The following PRELID2 variants were observed in gnomAD, a reference collection of about 807,000 sequenced individuals.
PRELID2 encodes the protein PRELI domain-containing protein 2.
In PRELID2, 25 loss-of-function variants were observed where a neutral mutation model predicts 28.4. The observed-to-expected ratio is 0.88, with a 90% CI of 0.64 to 1.23. The LOEUF (loss-of-function observed/expected upper bound fraction) is 1.23. PRELID2 is among the 50% of genes most tolerant of loss of function. The pLI is 0.00. For missense variants in PRELID2, 201 were observed against 214.4 expected, an observed-to-expected ratio of 0.94 and a Z score of 0.39; for synonymous variants, 76 against 71.6, an observed-to-expected ratio of 1.06 and a Z score of -0.31.
intron 1 of PRELID2, among the ~76,000 whole-genome samples, chr5:145,575,800 A>G (rs1416470128): frequency 1.3e-5 from 2 of 152,140 alleles, no homozygotes; most frequent in Non-Finnish European, 2.9e-5. Context: ...TGCGTCTGGA[A>G]CAGAGACTGC....
chr5:145,397,066 C>T, the PRELID2 span, among the ~76,000 whole-genome samples: 9 of 152,052 alleles, frequency 5.9e-5, no homozygotes, highest in African/African-American at 2.2e-4. Flanking sequence ...TTCTTAATAC[C>T]TACCACTAAG....
chr5:145,238,802 C>A, the PRELID2 span, among the ~76,000 whole-genome samples: 1 of 152,040 alleles, frequency 6.6e-6, no homozygotes, highest in Non-Finnish European at 1.5e-5. Context: ...TAGGACACTT[C>A]ATATGCAAAT....
chr5:145,473,426 C>T (rs1752071123), intron 1 of PRELID2: 1 of 152,146 alleles, frequency 6.6e-6, no homozygotes, highest in Admixed American at 6.6e-5. Flanking sequence ...TAGTTATCAT[C>T]ATCATCATCT....
the PRELID2 span, among the ~76,000 whole-genome samples, chr5:145,267,148 C>T: frequency 8.5e-5 from 13 of 152,192 alleles, no homozygotes; most frequent in East Asian, 7.8e-4. Flanking sequence ...GTCTGATGTT[C>T]GAGGACAGGA....
At chr5:145,491,542 T>G (rs1366784741) in intron 1 of PRELID2, among the ~76,000 whole-genome samples, 1 of 152,186 alleles carries the variant, frequency 6.6e-6, no homozygotes, top group Non-Finnish European at 1.5e-5. Context: ...AGTTATCATT[T>G]TTGTGGTAAC....
At chr5:145,512,161 C>T (rs1016710264) in intron 1 of PRELID2, among the ~76,000 whole-genome samples, 1 of 152,054 alleles carries the variant, frequency 6.6e-6, no homozygotes, top group African/African-American at 2.4e-5. Flanking sequence ...TGGTGGCTGG[C>T]AAGATGGCCG....
chr5:145,301,462 A>G, the PRELID2 span, among the ~76,000 whole-genome samples: 1 of 152,072 alleles, frequency 6.6e-6, no homozygotes, highest in African/African-American at 2.4e-5. Context: ...TGACTTGCCT[A>G]TTCATTTTCT....
chr5:145,436,687 A>C, the PRELID2 span, among the ~76,000 whole-genome samples: 170 of 152,028 alleles, frequency 1.1e-3, no homozygotes, highest in African/African-American at 3.9e-3. Flanking sequence ...GCATTTTTTC[A>C]TATGTTTGCT....
chr5:145,728,479 G>T lies in PRELID2; in HGVS notation n.70+36452C>A, dbSNP rs1426896311. On this transcript the variant is annotated intron_variant and non_coding_transcript_variant, in intron 1 of 2. Coordinates refer to the PRELID2 transcript ENST00000510259. ...AACCAGATTGAAGGGAACAGGAAGT[G>T]TTCTCCCCTCCCAAAGCAGGAAAAC... 8 of 666,610 alleles carry T rather than the reference G, an allele frequency of 1.2e-5. No individual in the cohort carries two copies. In the African/African-American group the frequency reaches 1.4e-4, roughly 12 times the overall value. The allele number at this position is 666,610 out of a possible 1,614,324, so 41.3% of individuals were successfully genotyped here.
At chr5:145,826,143 A>T (rs890472209) in intron 1 of PRELID2, 7 of 985,338 alleles carry the variant, frequency 7.1e-6, no homozygotes, top group African/African-American at 1.7e-5. Flanking sequence ...GCAGGGTGCT[A>T]TCCTAGAGAA....
At chr5:145,571,008 T>C (rs1384493651) in intron 1 of PRELID2, among the ~76,000 whole-genome samples, 2 of 152,252 alleles carry the variant, frequency 1.3e-5, no homozygotes, top group Non-Finnish European at 2.9e-5. Flanking sequence ...AATAAATGTC[T>C]GCTGAATGAA....
intron 2 of PRELID2, among the ~76,000 whole-genome samples, chr5:145,821,152 G>GTGTGTGTGTGTGT (rs1754761991): frequency 9.1e-5 from 8 of 88,192 alleles, no homozygotes; most frequent in African/African-American, 3.2e-4. Context: ...AACTCTCCTG[G>GTGTGTGTGTGTGT]GTGTGTGTGT....
intron 1 of PRELID2, among the ~76,000 whole-genome samples, chr5:145,586,879 A>G (rs1753160677): frequency 6.6e-6 from 1 of 152,198 alleles, no homozygotes; most frequent in Non-Finnish European, 1.5e-5. Context: ...TAGACCCATT[A>G]TCCAGTGTTT....
chr5:145,561,905 G>A (rs1057381297), intron 1 of PRELID2, among the ~76,000 whole-genome samples: 13 of 152,204 alleles, frequency 8.5e-5, no homozygotes, highest in African/African-American at 3.1e-4. Flanking sequence ...CTTCAGAGAC[G>A]AAAGTCATGC....
At chr5:145,381,472 T>C in the PRELID2 span, 1 of 152,146 alleles carries the variant, frequency 6.6e-6, no homozygotes, top group African/African-American at 2.4e-5. Flanking sequence ...AAACAAACTT[T>C]AATTCTCAGC....
At chr5:145,549,344 A>G (rs901633545) in intron 1 of PRELID2, among the ~76,000 whole-genome samples, 2 of 152,224 alleles carry the variant, frequency 1.3e-5, no homozygotes, top group Admixed American at 6.5e-5. Context: ...GAATGAACTT[A>G]AATAATTTTT....
At chr5:145,462,759 C>G in the PRELID2 span, among the ~76,000 whole-genome samples, 3 of 152,180 alleles carry the variant, frequency 2.0e-5, no homozygotes, top group East Asian at 5.8e-4. Context: ...CACTGTCTAC[C>G]GAAGGCGACA....
the PRELID2 span, among the ~76,000 whole-genome samples, chr5:145,353,307 C>A: frequency 0.65 from 98,031 of 151,510 alleles, 31,940 homozygotes; most frequent in East Asian, 0.89. Context: ...CACACACACA[C>A]AAAAAATCAG....
chr5:145,330,136 G>A, the PRELID2 span, among the ~76,000 whole-genome samples: 1 of 152,168 alleles, frequency 6.6e-6, no homozygotes, highest in African/African-American at 2.4e-5. Context: ...GTTGATCATG[G>A]TGGATAAGCT....
Sources: allele counts gnomAD v4.1 joint callset (sites outside exome capture counted in the v4.1 genomes callset), GRCh38; gene constraint gnomAD v4.1.1; transcripts MANE v1.5; gene names NCBI Gene and HGNC (gene_info 2026-07-23, HGNC 2026-07-21).